UBOX5: variants seen among roughly 807,000 people sequenced by gnomAD.
UBOX5 encodes U-box domain containing 5.
In UBOX5, 28 loss-of-function variants were observed where a neutral mutation model predicts 39.0. The observed-to-expected ratio is 0.72, with a 90% CI of 0.53 to 0.98. The LOEUF (loss-of-function observed/expected upper bound fraction) is 0.98, where lower values mean the gene tolerates loss of function less well. Among genes scored for constraint, UBOX5 ranks in the 50% least tolerant of loss-of-function variants. UBOX5 has a pLI of 0.00. For missense variants in UBOX5, 585 were observed against 674.4 expected (o/e 0.87, Z 1.47); for synonymous variants, 283 against 275.5 (o/e 1.03, Z -0.27).
chr20:3,137,920 C>T (rs892209570), intron 1 of UBOX5, among the ~76,000 whole-genome samples: 3 of 152,216 alleles, frequency 2.0e-5, no homozygotes, highest in South Asian at 4.1e-4. Flanking sequence ...TTGAGTGACA[C>T]ATTTAGTCTT....
intron 1 of UBOX5, among the ~76,000 whole-genome samples, chr20:3,154,141 T>C (rs1408915264): frequency 6.6e-6 from 1 of 151,996 alleles, no homozygotes; most frequent in East Asian, 1.9e-4. Flanking sequence ...TAGGGTTCAA[T>C]ACAGAGAAGC....
intron 1 of UBOX5, among the ~76,000 whole-genome samples, chr20:3,131,934 GGAAGCAGAGGTTGCACT>G (rs1356057734): frequency 6.6e-6 from 1 of 150,504 alleles, no homozygotes; most frequent in Non-Finnish European, 1.5e-5. Flanking sequence ...CTTGAACCTG[GGAAGCAGAGGTTGCACT>G]GAGCCGAGAT....
In UBOX5 at chr20:3,109,262, T is replaced by C. The variant is rs971600897; in HGVS notation, c.*844A>G. On this transcript the variant is annotated 3_prime_UTR_variant, in exon 5 of 5. Transcript: ENST00000217173. ...GCTAAATGTTGGGCTGAAAAAAGGATGCAGCCTATAAACAAGTATTTTTCC... is the reference window on the plus strand; with the variant it reads ...GCTAAATGTTGGGCTGAAAAAAGGACGCAGCCTATAAACAAGTATTTTTCC... The C allele has an allele frequency of 1.3e-5, 2 of 152,174 alleles. No individual in the cohort carries two copies. Among genetic ancestry groups the C allele is most frequent in the African/African-American group, 2.4e-5 (1 of 41,426 alleles). The allele number at this position is 152,174 out of a possible 1,614,324, so 9.4% of individuals were successfully genotyped here.
At position 3,115,354 on chromosome 20, in the gene UBOX5, G is replaced by A. The variant is rs757346734; in HGVS notation, c.1368C>T (p.His456=). 6.2e-7 allele frequency: 1 copy of A among 1,614,168 alleles called. No homozygotes were observed. The highest frequency in any genetic ancestry group is 1.3e-5 in the African/African-American group (1 of 75,066). The change falls in exon 4 of 5, where the codon CAC becomes CAT. Residue 456 remains histidine, a synonymous_variant. Coordinates refer to ENST00000217173, the MANE Select transcript of UBOX5 (RefSeq NM_014948.4). ...TARLTRGQLQ[H]LGTRGSNTSW... ...AAGTGTTGCTCCCTCTTGTGCCAAG[G>A]TGCTGGAGCTGTCCCCTGGTCAGCC...
intron 3 of UBOX5, among the ~76,000 whole-genome samples, chr20:3,120,361 A>AGATTGTTGC (rs2066324900): frequency 1.3e-5 from 2 of 151,070 alleles, no homozygotes; most frequent in African/African-American, 4.9e-5. Flanking sequence ...AAAAAAAAAA[A>AGATTGTTGC]ACAGAAGTCG....
Position 3,110,194 on chromosome 20 carries a change from A to G in UBOX5, c.1538T>C (p.Leu513Pro). ...GGGCAGGGAGCGTTGCTTCTCACCC[A>G]GGCAGGGTCGGCACAGGAGGTGGCC... The part of the protein sequence containing the change: ...PCGHLLCRPC[L>P]GEKQRSLPMT... The change falls in exon 5 of 5, where the codon CTG becomes CCG. Residue 513 changes from leucine (L) to proline (P), a missense_variant. Physicochemically the swap from Leu to Pro is moderately conservative, Grantham distance 98. Transcript: ENST00000217173. 2 of 1,613,948 alleles carry G rather than the reference A, an allele frequency of 1.2e-6. No individual in the cohort carries two copies. Among genetic ancestry groups the G allele is most frequent in the Non-Finnish European group, 1.7e-6 (2 of 1,180,012 alleles).
intron 1 of UBOX5, among the ~76,000 whole-genome samples, chr20:3,125,427 G>A (rs2066376657): frequency 6.9e-6 from 1 of 145,634 alleles, no homozygotes; most frequent in Non-Finnish European, 1.5e-5. Context: ...CATCATCTGG[G>A]AAGTGAGGAG....
intron 1 of UBOX5, chr20:3,146,729 A>G: frequency 6.4e-7 from 1 of 1,558,272 alleles, no homozygotes; most frequent in African/African-American, 1.4e-5. Flanking sequence ...AACACCTGGT[A>G]CAGTATACAC....
Position 3,121,591 on chromosome 20 carries a change from A to C in UBOX5, c.1048T>G (p.Leu350Val), listed in dbSNP as rs1457733969. 6.2e-7 allele frequency: 1 copy of C among 1,604,860 alleles called. No individual in the cohort carries two copies. Among genetic ancestry groups the C allele is most frequent in the African/African-American group, 1.3e-5 (1 of 74,656 alleles). ...CHLLGRAQTA[L>V]AVIPSSIVLP... ...ACAATGGAAGAAGGGATCACTGCCA[A>C]TGCCGTCTGTGCTCTCCCAAGCAGG... is the stretch of plus-strand genomic sequence containing the variant. Residue 350 changes from leucine to valine, a missense_variant, in exon 3 of 5, where the codon TTG becomes GTG. By Grantham distance (32) the Leu-to-Val change is conservative. Coordinates refer to ENST00000217173, the MANE Select transcript of UBOX5 (RefSeq NM_014948.4).
chr20:3,132,035 C>T (rs1014977446), intron 1 of UBOX5, among the ~76,000 whole-genome samples: 2 of 136,852 alleles, frequency 1.5e-5, no homozygotes, highest in African/African-American at 2.6e-5. Context: ...AAAAACTGGG[C>T]GTGGTGGTTC....
At chr20:3,141,986 C>T (rs1056525139) in intron 1 of UBOX5, among the ~76,000 whole-genome samples, 5 of 151,978 alleles carry the variant, frequency 3.3e-5, no homozygotes, top group Non-Finnish European at 5.9e-5. Context: ...GCACTCCAGC[C>T]TGGGCAACAG....
intron 1 of UBOX5, 89 bp downstream of exon 1, chr20:3,159,677 G>C (rs1051758421): frequency 6.6e-6 from 1 of 152,286 alleles, no homozygotes; most frequent in African/African-American, 2.4e-5. Flanking sequence ...GGGCCGGCCG[G>C]GAGGACAGGA....
At chr20:3,123,281 A>G in intron 2 of UBOX5, 31 bp downstream of exon 2, 1 of 1,596,676 alleles carries the variant, frequency 6.3e-7, no homozygotes, top group Admixed American at 1.7e-5. Flanking sequence ...AACATAGCAT[A>G]TATTTATGTG....
chr20:3,119,756 A>G (rs1159752261), intron 3 of UBOX5, among the ~76,000 whole-genome samples: 1 of 152,160 alleles, frequency 6.6e-6, no homozygotes, highest in Admixed American at 6.5e-5. Context: ...TGGGAGGCTG[A>G]GGCAGGAGAA....
intron 1 of UBOX5, among the ~76,000 whole-genome samples, chr20:3,138,333 T>C (rs2066488844): frequency 6.6e-6 from 1 of 151,958 alleles, no homozygotes; most frequent in Non-Finnish European, 1.5e-5. Flanking sequence ...TAAAAATCTA[T>C]GTCTAGGAAT....
At chr20:3,125,699 A>G (rs1281645024) in intron 1 of UBOX5, among the ~76,000 whole-genome samples, 5 of 115,912 alleles carry the variant, frequency 4.3e-5, no homozygotes, top group Admixed American at 9.1e-5. Flanking sequence ...CCGTCTGGGA[A>G]GTGAGGAGTG....
chr20:3,148,353 T>C (rs764402613), intron 1 of UBOX5: 4 of 1,614,016 alleles, frequency 2.5e-6, no homozygotes, highest in Non-Finnish European at 3.4e-6. Flanking sequence ...TGATCCATAT[T>C]CATCTCCCAT....
At chr20:3,152,067 TGC>T (rs2066631662) in intron 1 of UBOX5, among the ~76,000 whole-genome samples, 1 of 133,106 alleles carries the variant, frequency 7.5e-6, no homozygotes, top group South Asian at 2.3e-4. Context: ...ATGGTGCCAC[TGC>T]ACTGCAGCCT....
chr20:3,127,979 G>A (rs748769952), intron 1 of UBOX5, among the ~76,000 whole-genome samples: 3 of 152,188 alleles, frequency 2.0e-5, no homozygotes, highest in Admixed American at 6.5e-5. Context: ...TTCCCACTTT[G>A]AGGCACATAC....
Sources: gnomAD v4.1 joint callset for allele counts (sites outside exome capture counted in the v4.1 genomes callset) on GRCh38, gnomAD v4.1.1 for gene constraint, MANE v1.5 for transcripts, NCBI Gene and HGNC (gene_info 2026-07-23, HGNC 2026-07-21) for gene names.